MBD1: variants seen among roughly 807,000 people sequenced by gnomAD.
MBD1 encodes the protein methyl-CpG binding domain protein 1.
In MBD1, 25 loss-of-function variants were observed where a neutral mutation model predicts 82.6. That is an observed-to-expected ratio of 0.30 (90% CI 0.22 to 0.42). MBD1 has a LOEUF of 0.42. Ranked by LOEUF, MBD1 falls within the 10% of genes least tolerant of loss-of-function variation. MBD1 has a pLI of 1.00. For synonymous variants in MBD1, 301 were observed against 303.7 expected (o/e 0.99, Z 0.09); for missense variants, 627 against 819.6 (o/e 0.76, Z 2.87).
At chr18:50,268,503 G>A (rs1168511482), downstream of MBD1, among the ~76,000 whole-genome samples, 2 of 152,154 alleles carry the variant, frequency 1.3e-5, no homozygotes, top group Non-Finnish European at 2.9e-5. Flanking sequence ...GGTTTGCGCC[G>A]GACGGAGACC....
chr18:50,270,442 G>T, intron 16 of MBD1: 1 of 433,204 alleles, frequency 2.3e-6, no homozygotes. Context: ...CAGGAATTCA[G>T]CCTCCTAGAA....
At chr18:50,275,373 T>TGGGGGAGCCACAGCC in intron 8 of MBD1, 128 bp from the exon 9 acceptor site, 1 of 1,610,800 alleles carries the variant, frequency 6.2e-7, no homozygotes, top group South Asian at 1.1e-5. Flanking sequence ...CACTCACAGT[T>TGGGGGAGCCACAGCC]GGGGGAGCCA....
intron 15 of MBD1, 35 bp from the exon 16 acceptor site, chr18:50,271,575 A>C: frequency 1.2e-6 from 2 of 1,613,886 alleles, no homozygotes; most frequent in Non-Finnish European, 8.5e-7. Flanking sequence ...ATGTTGAATG[A>C]GGTTTGCTAT....
rs2034634011 is a variant in MBD1, at chr18:50,269,648, C to T, written c.*203G>A. On this transcript the variant is annotated 3_prime_UTR_variant, in exon 17 of 17. Transcript: ENST00000269468. Reference sequence around the variant, plus strand: ...GCATATTTAACTCTGTGAGGAAGGGCACCAGCTTCTTCTGCAGGACACCCA... The same window carrying T: ...GCATATTTAACTCTGTGAGGAAGGGTACCAGCTTCTTCTGCAGGACACCCA... 1.3e-6 allele frequency: 1 copy of T among 746,678 alleles called. No individual in the cohort carries two copies. Among genetic ancestry groups the T allele is most frequent in the African/African-American group, 1.7e-5 (1 of 58,326 alleles). 46.3% of individuals were successfully genotyped at this position (746,678 alleles called of 1,614,324 possible).
chr18:50,276,417 T>C lies in MBD1; in HGVS notation c.477A>G (p.Ala159=). 1 of 1,614,146 alleles carries C rather than the reference T, an allele frequency of 6.2e-7. No individual in the cohort carries two copies. Among genetic ancestry groups the C allele is most frequent in the Non-Finnish European group, 8.5e-7 (1 of 1,180,002 alleles). The change falls in exon 6 of 17, where the codon GCA becomes GCG. Residue 159 remains alanine, a splice_region_variant and synonymous_variant. Transcript: ENST00000269468. ...GTTCCCGGTTGAAGGCAATTCTCTG[T>C]GCTGTGGGGAGGAAGAGGGAAGAAG... The part of the protein sequence containing the change: ...RLKTLCKDCR[A]QRIAFNREQR...
chr18:50,273,457 A>G lies in MBD1; in HGVS notation c.1461T>C (p.Ser487=), dbSNP rs774849530. Reference sequence around the variant, plus strand: ...GTAAGGCCACAACCCAACTCAGGCCAGAGCACTGGGCCTCCTGCGTGAGGG... The same window carrying G: ...GTAAGGCCACAACCCAACTCAGGCCGGAGCACTGGGCCTCCTGCGTGAGGG... ...TEALLQEAQC[S]GLSWVVALPQ... Residue 487 remains serine (S), a synonymous_variant, in exon 13 of 17, where the codon TCT becomes TCC. Coordinates refer to ENST00000269468, the MANE Select transcript of MBD1 (RefSeq NM_015846.4). 5 of 1,614,214 alleles carry G rather than the reference A, an allele frequency of 3.1e-6. No homozygotes were observed. The highest frequency in any genetic ancestry group is 3.4e-6 in the Non-Finnish European group (4 of 1,180,042).
At chr18:50,276,053 T>C in intron 6 of MBD1, 72 bp from the exon 7 acceptor site, 1 of 1,555,108 alleles carries the variant, frequency 6.4e-7, no homozygotes, top group Non-Finnish European at 8.7e-7. Context: ...CTACTGACCC[T>C]ACATCAGCTG....
In MBD1 at chr18:50,272,953, T is replaced by G. The variant is rs1054912759; in HGVS notation, c.1587A>C (p.Ala529=). The change falls in exon 14 of 17, where the codon GCA becomes GCC. Residue 529 remains alanine (A), a splice_region_variant and synonymous_variant. Coordinates refer to ENST00000269468, the MANE Select transcript of MBD1 (RefSeq NM_015846.4). ...TCACAGAAGGCAGGCCTGGGTCTAC[T>G]GCCTGGGAGAAGTAGGAAACAGGCA... ...PVLVPGCPSK[A]VDPGLPSVKQ... is the part of the protein sequence containing the mutation. 1.9e-6 allele frequency: 3 copies of G among 1,614,150 alleles called. No homozygotes were observed. Among genetic ancestry groups the G allele is most frequent in the Non-Finnish European group, 2.5e-6 (3 of 1,180,034 alleles).
Position 50,275,953 on chromosome 18 carries a change from C to A in MBD1, c.545G>T (p.Cys182Phe). The A allele has an allele frequency of 6.2e-7, 1 of 1,613,436 alleles. No homozygotes were observed. ...GGCCCCACAGTCTTCTGTTACCTGG[C>A]AGGCTGCACACTCCCCACAGCCCAC... ...KRVGCGECAA[C>F]QVTEDCGACS... The change falls in exon 7 of 17, where the codon TGC becomes TTC. Residue 182 changes from cysteine to phenylalanine, a missense_variant. Cys to Phe is a radical substitution (Grantham distance 205, BLOSUM62 -2). Around this residue, in one of 6 missense-constraint regions of MBD1, gnomAD observed 228 missense variants for 318.1 expected, o/e 0.72. Transcript: ENST00000269468.
At chr18:50,278,446 T>C (rs191695882) in intron 2 of MBD1, among the ~76,000 whole-genome samples, 231 of 152,358 alleles carry the variant, frequency 1.5e-3, no homozygotes, top group African/African-American at 2.9e-3. Context: ...ACAAATTCAC[T>C]ATTATCTTGT....
chr18:50,273,716 G>A lies in MBD1; in HGVS notation c.1294C>T (p.Pro432Ser), dbSNP rs998255464. The A allele has an allele frequency of 2.5e-6, 4 of 1,614,186 alleles. No homozygotes were observed. Among genetic ancestry groups the A allele is most frequent in the Non-Finnish European group, 3.4e-6 (4 of 1,180,036 alleles). The change falls in exon 12 of 17, where the codon CCA (proline) becomes TCA (serine). Residue 432 changes from proline to serine, a missense_variant. Coordinates refer to ENST00000269468, the MANE Select transcript of MBD1 (RefSeq NM_015846.4). Reference sequence around the variant, plus strand: ...TTCGTTGGAGCCTGGGTATGGTCTGGTTGGGCTGTGCGTGTAGCCAAGGTG... The same window carrying A: ...TTCGTTGGAGCCTGGGTATGGTCTGATTGGGCTGTGCGTGTAGCCAAGGTG... ...KPTLATRTAQ[P>S]DHTQAPTKQE...
intron 1 of MBD1, 52 bp from the exon 2 acceptor site, chr18:50,280,069 C>CA (rs1216402975): frequency 2.0e-6 from 3 of 1,525,156 alleles, no homozygotes; most frequent in African/African-American, 1.4e-5. Flanking sequence ...GAAGGGACAA[C>CA]ACTGTGCCCC....
In MBD1 at chr18:50,281,225, G is replaced by C. The variant is rs778956247; in HGVS notation, c.-26+138C>G. The C allele has an allele frequency of 3.9e-6, 6 of 1,533,766 alleles. No homozygotes were observed. The South Asian group carries it at 4.8e-5, about 12-fold the overall frequency. On this transcript the variant is annotated intron_variant, in intron 1 of 16. Coordinates refer to ENST00000269468, the MANE Select transcript of MBD1 (RefSeq NM_015846.4). ...AGCCTAAATCCCCCCATTTCTCCTC[G>C]TCAGTATTCCGACGCCGCCATTCCT...
Position 50,272,895 on chromosome 18 carries a change from C to T in MBD1, c.1645G>A (p.Glu549Lys), listed in dbSNP as rs756757690. Residue 549 changes from glutamate to lysine, a missense_variant, in exon 14 of 17, where the codon GAG (glutamate) becomes AAG (lysine). By Grantham distance (56) the Glu-to-Lys change is moderately conservative (BLOSUM62 1). This residue lies in a region of MBD1 where 265 missense variants were observed against 278.4 expected (regional missense o/e 0.95). Coordinates refer to ENST00000269468, the MANE Select transcript of MBD1 (RefSeq NM_015846.4). ...GAGGCAGAATCATCCTTGTTCTCCT[C>T]CTTGTCCTCCTCTGGGTCAGGTGGC... ...QEPPDPEEDK[E>K]ENKDDSASKL... 1.2e-6 allele frequency: 2 copies of T among 1,614,200 alleles called. No homozygotes were observed. Among genetic ancestry groups the T allele is most frequent in the East Asian group, 2.2e-5 (1 of 44,878 alleles).
Position 50,273,595 on chromosome 18 carries a change from G to C in MBD1, c.1415C>G (p.Pro472Arg), listed in dbSNP as rs1228540045. The C allele has an allele frequency of 6.2e-7, 1 of 1,612,966 alleles. No individual in the cohort carries two copies. The highest frequency in any genetic ancestry group is 2.2e-5 in the East Asian group (1 of 44,884). ...CAGGGCTTCTGTGGAAGCTGCAACA[G>C]GGCCCGGCACCTGCACAGGACTGCT... ...GASSPVQVPGPVAASTEALLQ... is the reference protein window; with the variant it reads ...GASSPVQVPGRVAASTEALLQ... Residue 472 changes from proline to arginine, a missense_variant, in exon 12 of 17, where the codon CCT becomes CGT. Around this residue, in one of 6 missense-constraint regions of MBD1, gnomAD observed 265 missense variants for 278.4 expected, o/e 0.95. Transcript: ENST00000269468.
rs1469445411 is a variant in MBD1, at chr18:50,269,626, T to C, written c.*225A>G. 8 of 725,604 alleles carry C rather than the reference T, an allele frequency of 1.1e-5. No individual in the cohort carries two copies. The highest frequency in any genetic ancestry group is 2.0e-5 in the Admixed American group (1 of 50,832). 44.9% of individuals were successfully genotyped at this position (725,604 alleles called of 1,614,324 possible). A position where few individuals can be genotyped will look rare whatever the true frequency, so the allele number is the denominator to read the frequency against. Reference sequence around the variant, plus strand: ...TTCTCTAATTCCTGGGCCAGATGCATATTTAACTCTGTGAGGAAGGGCACC... The same window carrying C: ...TTCTCTAATTCCTGGGCCAGATGCACATTTAACTCTGTGAGGAAGGGCACC... On this transcript the variant is annotated 3_prime_UTR_variant, in exon 17 of 17. Transcript: ENST00000269468.
chr18:50,271,223 C>G lies in MBD1; in HGVS notation c.*32+246G>C, dbSNP rs2035374252. On this transcript the variant is annotated intron_variant, in intron 16 of 16. Coordinates refer to ENST00000269468, the MANE Select transcript of MBD1 (RefSeq NM_015846.4). ...CCTTTCTCCAACCCAGCTCCCCCACCCTTAAAATCCAACTTCTTATACTCA... is the reference window on the plus strand; with the variant it reads ...CCTTTCTCCAACCCAGCTCCCCCACGCTTAAAATCCAACTTCTTATACTCA... 3 of 1,362,392 alleles carry G rather than the reference C, an allele frequency of 2.2e-6. No homozygotes were observed. The Admixed American group carries it at 9.2e-5, about 42-fold the overall frequency. The allele number at this position is 1,362,392 out of a possible 1,614,324, so 84.4% of individuals were successfully genotyped here. A position where few individuals can be genotyped will look rare whatever the true frequency, so the allele number is the denominator to read the frequency against.
In MBD1 at chr18:50,271,438, G is replaced by T. The variant is rs2035480424; in HGVS notation, c.*32+31C>A. 25 of 1,613,904 alleles carry T rather than the reference G, an allele frequency of 1.5e-5. 2 individuals are homozygous for T. The South Asian group carries it at 2.7e-4, about 18-fold the overall frequency. On this transcript the variant is annotated intron_variant, in intron 16 of 16. Transcript: ENST00000269468. The stretch of plus-strand genomic sequence containing the variant: ...GTCCAGCCCCTAGTAGATCAGTGTT[G>T]TCTCTCATAAAGCCAGTCTGCAAAT...
chr18:50,273,526 G>A (rs1221458918), intron 12 of MBD1, 38 bp downstream of exon 12: 3 of 1,613,430 alleles, frequency 1.9e-6, no homozygotes. Flanking sequence ...CATGCAGCTG[G>A]GTGAGGCTGG....
Sources: allele counts gnomAD v4.1 joint callset (sites outside exome capture counted in the v4.1 genomes callset), GRCh38; gene constraint gnomAD v4.1.1; regional missense constraint gnomAD v4.1.1; transcripts MANE v1.5; gene names NCBI Gene and HGNC (gene_info 2026-07-23, HGNC 2026-07-21).